Variants in RCN3 observed in about 807,000 individuals in gnomAD.
RCN3 encodes the protein reticulocalbin-3.
Under a neutral mutation model 35.9 loss-of-function variants are expected in RCN3, and 41 were observed. That is an observed-to-expected ratio of 1.14 (90% confidence interval 0.89 to 1.48). RCN3 has a LOEUF of 1.48. Ranked by LOEUF, RCN3 falls within the 40% of genes most tolerant of loss-of-function variation. The pLI is 0.00. For missense variants in RCN3, 451 were observed against 471.3 expected (o/e 0.96, Z 0.40); for synonymous variants, 187 against 193.4 (o/e 0.97, Z 0.27).
At chr19:49,539,700 G>A (rs965774463) in intron 5 of RCN3, among the ~76,000 whole-genome samples, 1 of 151,124 alleles carries the variant, frequency 6.6e-6, no homozygotes, top group African/African-American at 2.4e-5. Flanking sequence ...ATTTAGTCAA[G>A]GAGAACGCTA....
At chr19:49,533,900 G>A (rs560805611) in intron 2 of RCN3, among the ~76,000 whole-genome samples, 1 of 152,142 alleles carries the variant, frequency 6.6e-6, no homozygotes, top group African/African-American at 2.4e-5. Context: ...CGGGGCCGGC[G>A]CGGAGAGGGT....
At chr19:49,541,758 G>T (rs2080163785) in intron 5 of RCN3, among the ~76,000 whole-genome samples, 1 of 151,124 alleles carries the variant, frequency 6.6e-6, no homozygotes, top group African/African-American at 2.4e-5. Context: ...GAGGCAGGTG[G>T]ATCATGGGGT....
At chr19:49,528,324 C>T in intron 1 of RCN3, 143 bp from the exon 2 acceptor site, 1 of 728,822 alleles carries the variant, frequency 1.4e-6, no homozygotes, top group Non-Finnish European at 2.0e-6. Flanking sequence ...CCCCCATCGC[C>T]CGCCCTTTTT....
At chr19:49,543,070 C>T (rs573186641) in intron 6 of RCN3, 36 bp from the exon 7 acceptor site, 9 of 1,543,624 alleles carry the variant, frequency 5.8e-6, no homozygotes, top group East Asian at 4.5e-5. Flanking sequence ...AAAGCAGGGC[C>T]GTGTTGTCCC....
chr19:49,528,112 A>C, intron 1 of RCN3, 54 bp downstream of exon 1: 1 of 231,136 alleles, frequency 4.3e-6, no homozygotes, highest in Non-Finnish European at 8.2e-6. Flanking sequence ...CGGGTCGAGG[A>C]CCAGGGTCCG....
intron 3 of RCN3, 36 bp downstream of exon 3, chr19:49,534,431 C>T (rs1377246958): frequency 4.6e-6 from 7 of 1,530,408 alleles, no homozygotes; most frequent in Non-Finnish European, 6.1e-6. Flanking sequence ...TCCCCATACA[C>T]CGTGACCCTG....
chr19:49,537,016 G>C lies in RCN3; in HGVS notation c.446-17G>C. 1 of 1,482,944 alleles carries C rather than the reference G, an allele frequency of 6.7e-7. No homozygotes were observed. The highest frequency in any genetic ancestry group is 9.0e-7 in the Non-Finnish European group (1 of 1,114,106). The allele number at this position is 1,482,944 out of a possible 1,614,324, so 91.9% of individuals were successfully genotyped here. A position where few individuals can be genotyped will look rare whatever the true frequency, so the allele number is the denominator to read the frequency against. On this transcript the variant is annotated splice_polypyrimidine_tract_variant and intron_variant, in intron 3 of 6. Coordinates refer to ENST00000270645, the MANE Select transcript of RCN3 (RefSeq NM_020650.3). ...CCTCCATTAAAGCTCATCTCACTGA[G>C]ACCTGTCCTTCCCCAGGTGAAGAAT...
chr19:49,534,288 A>G lies in RCN3; in HGVS notation c.338A>G (p.His113Arg). The change falls in exon 3 of 7, where the codon CAC (histidine) becomes CGC (arginine). Residue 113 changes from histidine to arginine, a missense_variant. Physicochemically the swap from His to Arg is conservative, Grantham distance 29. Coordinates refer to ENST00000270645, the MANE Select transcript of RCN3 (RefSeq NM_020650.3). ...TGGATCGCGCACACGCAGCAGCGGCACATACGGGACTCGGTGAGCGCGGCC... is the reference window on the plus strand; with the variant it reads ...TGGATCGCGCACACGCAGCAGCGGCGCATACGGGACTCGGTGAGCGCGGCC... The part of the protein sequence containing the change: ...RAWIAHTQQR[H>R]IRDSVSAAWD... The G allele has an allele frequency of 6.8e-7, 1 of 1,480,166 alleles. No homozygotes were observed. Among genetic ancestry groups the G allele is most frequent in the Non-Finnish European group, 8.9e-7 (1 of 1,117,876 alleles). 91.7% of individuals were successfully genotyped at this position (1,480,166 alleles called of 1,614,324 possible).
rs779687736 is a variant in RCN3 at position 49,534,208 on chromosome 19, C to T, written c.258C>T (p.Arg86=). The T allele has an allele frequency of 6.7e-6, 10 of 1,493,692 alleles. No homozygotes were observed. Among genetic ancestry groups the T allele is most frequent in the Non-Finnish European group, 8.9e-6 (10 of 1,127,508 alleles). The allele number at this position is 1,493,692 out of a possible 1,614,324, so 92.5% of individuals were successfully genotyped here. A position where few individuals can be genotyped will look rare whatever the true frequency, so the allele number is the denominator to read the frequency against. Residue 86 remains arginine, a synonymous_variant, in exon 3 of 7, where the codon CGC becomes CGT. Transcript: ENST00000270645. ...SQARLGRIVD[R]MDRAGDGDGW... ...CGGCTTCTAGGCGGATCGTGGACCG[C>T]ATGGACCGCGCGGGGGACGGCGACG... is the stretch of plus-strand genomic sequence containing the variant.
intron 4 of RCN3, 148 bp downstream of exon 4, chr19:49,537,353 G>A (rs1318096219): frequency 1.6e-5 from 12 of 747,048 alleles, no homozygotes; most frequent in Non-Finnish European, 2.2e-5. Flanking sequence ...GCAAACACAG[G>A]TCAGAGGACG....
intron 2 of RCN3, among the ~76,000 whole-genome samples, chr19:49,533,512 C>A (rs553724606): frequency 1.3e-5 from 2 of 152,112 alleles, no homozygotes; most frequent in South Asian, 2.1e-4. Flanking sequence ...GCTTGACATG[C>A]GACAGGGAGG....
At chr19:49,540,507 T>G (rs2080158012) in intron 5 of RCN3, among the ~76,000 whole-genome samples, 1 of 151,892 alleles carries the variant, frequency 6.6e-6, no homozygotes, top group South Asian at 2.1e-4. Flanking sequence ...GTAATCCCAG[T>G]TACTCTGGGG....
chr19:49,530,501 T>TC (rs113874417), intron 2 of RCN3, among the ~76,000 whole-genome samples: 13,399 of 147,864 alleles, frequency 0.091, 748 homozygotes, highest in African/African-American at 0.14. Context: ...TTTTTTCTTT[T>TC]TTTTTTTTTT....
intron 5 of RCN3, among the ~76,000 whole-genome samples, chr19:49,540,620 TAAA>T (rs563890742): frequency 2.2e-5 from 3 of 137,416 alleles, no homozygotes; most frequent in African/African-American, 2.7e-5. Flanking sequence ...AACTCCATCT[TAAA>T]AAAAAAAAAA....
At chr19:49,528,755 C>G (rs747934902) in intron 2 of RCN3, 41 bp downstream of exon 2, 2 of 1,490,008 alleles carry the variant, frequency 1.3e-6, no homozygotes, top group East Asian at 5.1e-5. Flanking sequence ...AGAGGTGGGG[C>G]TTAGGAGAGA....
At chr19:49,530,063 T>C (rs540619998) in intron 2 of RCN3, among the ~76,000 whole-genome samples, 3 of 152,270 alleles carry the variant, frequency 2.0e-5, no homozygotes. Flanking sequence ...CCAGTTGTTC[T>C]GCCTCGTACT....
At chr19:49,539,040 C>T in intron 4 of RCN3, 79 bp from the exon 5 acceptor site, 1 of 1,022,656 alleles carries the variant, frequency 9.8e-7, no homozygotes, top group East Asian at 2.6e-5. Flanking sequence ...GAGAACCTCT[C>T]ACTCTTACCC....
intron 5 of RCN3, among the ~76,000 whole-genome samples, chr19:49,540,266 C>T (rs531434796): frequency 6.6e-6 from 1 of 152,158 alleles, no homozygotes; most frequent in South Asian, 2.1e-4. Context: ...CCACCTTGGC[C>T]TCCCAAAGAG....
chr19:49,542,577 G>A lies in RCN3; in HGVS notation c.704G>A (p.Gly235Glu). The change falls in exon 6 of 7, where the codon GGG (glycine) becomes GAG (glutamate). Residue 235 changes from glycine (G) to glutamate (E), a missense_variant. Transcript: ENST00000270645. ...GCGGATCTGTACTCAGCCGAGCCTG[G>A]GGAGGAGGAGCCGGCGTGGGTGCAG... ...YIADLYSAEP[G>E]EEEPAWVQTE... 6.2e-7 allele frequency: 1 copy of A among 1,605,974 alleles called. No individual in the cohort carries two copies. The highest frequency in any genetic ancestry group is 8.5e-7 in the Non-Finnish European group (1 of 1,176,906).
Sources: gnomAD v4.1 joint callset for allele counts (sites outside exome capture counted in the v4.1 genomes callset) on GRCh38, gnomAD v4.1.1 for gene constraint, MANE v1.5 for transcripts, NCBI Gene and HGNC (gene_info 2026-07-23, HGNC 2026-07-21) for gene names.